Variants in CCDC175 observed in about 807,000 individuals in gnomAD.
The protein encoded by CCDC175 is coiled-coil domain containing 175.
In CCDC175, 100 loss-of-function variants were observed where a neutral mutation model predicts 114.6. The observed-to-expected ratio is 0.87, with a 90% confidence interval of 0.74 to 1.03. CCDC175 has a LOEUF of 1.03. Among genes scored for constraint, CCDC175 ranks in the 50% least tolerant of loss-of-function variants. The pLI is 0.00. For missense variants in CCDC175, 880 were observed against 917.8 expected, an observed-to-expected ratio of 0.96 and a Z score of 0.53; for synonymous variants, 306 against 308.7, an observed-to-expected ratio of 0.99 and a Z score of 0.09.
intron 7 of CCDC175, among the ~76,000 whole-genome samples, chr14:59,552,152 G>A (rs908787367): frequency 6.6e-6 from 1 of 152,242 alleles, no homozygotes; most frequent in African/African-American, 2.4e-5. Flanking sequence ...TGAGATCTGA[G>A]AACAGACAGA....
chr14:59,571,097 T>C, intron 3 of CCDC175, among the ~76,000 whole-genome samples: 1 of 149,482 alleles, frequency 6.7e-6, no homozygotes, highest in Admixed American at 6.7e-5. Context: ...ACAACATTCC[T>C]GGCTTCTGGA....
chr14:59,560,978 T>C (rs1256065128), intron 7 of CCDC175, 141 bp downstream of exon 7: 4 of 515,012 alleles, frequency 7.8e-6, no homozygotes, highest in African/African-American at 7.8e-5. Flanking sequence ...CTTTCACATA[T>C]ATTTTAGTAA....
At chr14:59,507,484 T>C (rs990627651) in intron 19 of CCDC175, among the ~76,000 whole-genome samples, 1 of 152,188 alleles carries the variant, frequency 6.6e-6, no homozygotes, top group African/African-American at 2.4e-5. Flanking sequence ...GCAGTGATCC[T>C]GGAGAGGGCA....
At chr14:59,554,636 A>G (rs1595057042) in intron 7 of CCDC175, among the ~76,000 whole-genome samples, 1 of 152,350 alleles carries the variant, frequency 6.6e-6, no homozygotes, top group East Asian at 1.9e-4. Flanking sequence ...TGAAGGAAAT[A>G]GAGACATAAA....
chr14:59,536,257 C>G (rs78584090), intron 13 of CCDC175, among the ~76,000 whole-genome samples: 1 of 151,994 alleles, frequency 6.6e-6, no homozygotes, highest in East Asian at 1.9e-4. Flanking sequence ...GCCCTCTGCC[C>G]GGAGCCATCT....
At chr14:59,551,933 C>T (rs1895526747) in intron 7 of CCDC175, among the ~76,000 whole-genome samples, 1 of 152,238 alleles carries the variant, frequency 6.6e-6, no homozygotes, top group Non-Finnish European at 1.5e-5. Context: ...GGGCGCCCGC[C>T]ATTGCCAAGG....
intron 16 of CCDC175, among the ~76,000 whole-genome samples, chr14:59,522,609 T>G (rs1357089650): frequency 6.6e-6 from 1 of 152,244 alleles, no homozygotes; most frequent in East Asian, 1.9e-4. Flanking sequence ...TCTCCACAGC[T>G]CACTCCTTCA....
chr14:59,514,923 C>T (rs1045525734), intron 17 of CCDC175, among the ~76,000 whole-genome samples: 14 of 152,162 alleles, frequency 9.2e-5, no homozygotes, highest in South Asian at 2.1e-4. Flanking sequence ...AGAGAAAGGT[C>T]GGGTTACCCA....
At chr14:59,515,969 C>T (rs1028347063) in intron 17 of CCDC175, among the ~76,000 whole-genome samples, 1 of 152,224 alleles carries the variant, frequency 6.6e-6, no homozygotes, top group South Asian at 2.1e-4. Context: ...CAAACTGTCT[C>T]TCAGAACACA....
rs536087487 is a variant in CCDC175, at chr14:59,547,974, T to A, written c.1036-2675A>T. Among the ~76,000 whole-genome samples the A allele has an allele frequency of 5.3e-5, 8 of 152,212 alleles. No individual in the cohort carries two copies. In the East Asian group the frequency reaches 1.5e-3, roughly 29 times the overall value. Reference sequence around the variant, plus strand: ...GGGTATATATCCCAAGGAAATGAAATCAGTATGGCAAAGAGATATCTGTAC... The same window carrying A: ...GGGTATATATCCCAAGGAAATGAAAACAGTATGGCAAAGAGATATCTGTAC... On this transcript the variant is annotated intron_variant, in intron 8 of 19. Transcript: ENST00000537690.
At chr14:59,552,780 T>C (rs997826114) in intron 7 of CCDC175, among the ~76,000 whole-genome samples, 6 of 152,208 alleles carry the variant, frequency 3.9e-5, no homozygotes, top group Admixed American at 3.3e-4. Flanking sequence ...AATGACCTCA[T>C]GGAGCTGAAA....
intron 9 of CCDC175, among the ~76,000 whole-genome samples, chr14:59,543,927 G>A (rs1301537699): frequency 2.0e-5 from 3 of 152,182 alleles, no homozygotes; most frequent in Non-Finnish European, 4.4e-5. Context: ...CTCTCCTAAC[G>A]TGCTTATCAA....
At chr14:59,515,887 C>T (rs538812597) in intron 17 of CCDC175, among the ~76,000 whole-genome samples, 38 of 152,330 alleles carry the variant, frequency 2.5e-4, no homozygotes, top group African/African-American at 9.1e-4. Flanking sequence ...CCACACCGCA[C>T]TTATTCCAAA....
intron 1 of CCDC175, 73 bp downstream of exon 1, chr14:59,576,546 G>A: frequency 1.5e-6 from 2 of 1,323,108 alleles, no homozygotes; most frequent in Non-Finnish European, 1.9e-6. Context: ...TCCCCGCTCA[G>A]GGTTCCCGCT....
At chr14:59,564,995 G>T in intron 5 of CCDC175, 52 bp downstream of exon 5, 3 of 1,288,562 alleles carry the variant, frequency 2.3e-6, no homozygotes, top group South Asian at 2.8e-5. Context: ...CCCATTTCCT[G>T]CTCCAGATTC....
intron 19 of CCDC175, among the ~76,000 whole-genome samples, chr14:59,507,854 T>C (rs1892514183): frequency 6.6e-6 from 1 of 152,196 alleles, no homozygotes. Flanking sequence ...GGCTCACACC[T>C]GTAGGGAGCT....
Position 59,556,613 on chromosome 14 carries a change from G to A in CCDC175, c.953+4506C>T, listed in dbSNP as rs562130829. Among the ~76,000 whole-genome samples the A allele has an allele frequency of 2.0e-5, 3 of 152,252 alleles. No homozygotes were observed. The South Asian group carries it at 6.2e-4, about 32-fold the overall frequency. On this transcript the variant is annotated intron_variant, in intron 7 of 19. Transcript: ENST00000537690. ...AACAAAAGTCAAAATTGACAAATGG[G>A]ATCTAATTAAACTAAAGAGCTTCTG...
At chr14:59,531,400 T>C (rs974644656) in intron 14 of CCDC175, among the ~76,000 whole-genome samples, 5 of 151,940 alleles carry the variant, frequency 3.3e-5, no homozygotes, top group Non-Finnish European at 7.4e-5. Flanking sequence ...GTTAAAATCA[T>C]AGCAGGAAAA....
chr14:59,545,117 C>T (rs1208927905), intron 9 of CCDC175, 46 bp downstream of exon 9: 3 of 1,505,142 alleles, frequency 2.0e-6, no homozygotes, highest in South Asian at 2.5e-5. Context: ...AGAAAAGCAC[C>T]CCATAATGAT....
Sources: gnomAD v4.1 joint callset for allele counts (sites outside exome capture counted in the v4.1 genomes callset) on GRCh38, gnomAD v4.1.1 for gene constraint, MANE v1.5 for transcripts, NCBI Gene and HGNC (gene_info 2026-07-23, HGNC 2026-07-21) for gene names.